The following BAHCC1 variants were observed in gnomAD, a reference collection of about 807,000 sequenced individuals.
The protein encoded by BAHCC1 is BAH domain and coiled-coil containing 1.
In BAHCC1, 43 loss-of-function variants were observed where a neutral mutation model predicts 88.2. That is an observed-to-expected ratio of 0.49 (90% CI 0.38 to 0.63). The LOEUF (loss-of-function observed/expected upper bound fraction) is 0.63, where lower values mean the gene tolerates loss of function less well. BAHCC1 is among the 20% of genes least tolerant of loss of function. The probability of loss-of-function intolerance (pLI) is 0.00; values close to 1 mark genes in which losing one functional copy is unlikely to be tolerated. For synonymous variants in BAHCC1, 1,510 were observed against 745.5 expected (o/e 2.03, Z -16.71); for missense variants, 3,023 against 1,654.8 (o/e 1.83, Z -14.34).
chr17:81,400,571 G>C (rs1408476055), intron 2 of BAHCC1: 3 of 152,596 alleles, frequency 2.0e-5, no homozygotes, highest in Non-Finnish European at 4.4e-5. Context: ...GGCCCGGGGA[G>C]GAGGGCAGCG....
At chr17:81,397,847 T>G (rs868958193) in intron 1 of BAHCC1, among the ~76,000 whole-genome samples, 3 of 152,254 alleles carry the variant, frequency 2.0e-5, no homozygotes, top group Admixed American at 1.3e-4. Context: ...GAACTCTTTG[T>G]GTAGACCCAT....
chr17:81,408,882 A>G (rs368150995), intron 2 of BAHCC1, among the ~76,000 whole-genome samples: 6 of 151,854 alleles, frequency 4.0e-5, no homozygotes, highest in Non-Finnish European at 7.4e-5. Context: ...GTCCCTTCCT[A>G]TCCCCAGAGC....
Position 81,459,323 on chromosome 17 carries a change from G to A in BAHCC1, c.5791G>A (p.Glu1931Lys). 2 of 778,910 alleles carry A rather than the reference G, an allele frequency of 2.6e-6. No homozygotes were observed. Among genetic ancestry groups the A allele is most frequent in the Non-Finnish European group, 4.8e-6 (2 of 417,578 alleles). The allele number at this position is 778,910 out of a possible 1,614,324, so 48.2% of individuals were successfully genotyped here. The change falls in exon 22 of 28, where the codon GAA (glutamate) becomes AAA (lysine). Residue 1931 changes from glutamate to lysine, a missense_variant. Coordinates refer to ENST00000675386, the MANE Select transcript of BAHCC1 (RefSeq NM_001377448.1). The part of the protein sequence containing the change: ...RIYSLEQLLQ[E>K]AVLDVRPQSS... Reference sequence around the variant, plus strand: ...CTACTCACTGGAGCAGCTGCTGCAGGAAGCGGTGAGGACCGGGCCGGCCCG... The same window carrying A: ...CTACTCACTGGAGCAGCTGCTGCAGAAAGCGGTGAGGACCGGGCCGGCCCG...
intron 11 of BAHCC1, among the ~76,000 whole-genome samples, chr17:81,448,204 C>T (rs984608719): frequency 1.2e-4 from 18 of 152,346 alleles, no homozygotes; most frequent in Admixed American, 3.3e-4. Context: ...CCTGCTCTGC[C>T]AGGCCTCCAC....
At chr17:81,406,842 G>C in intron 2 of BAHCC1, 1 of 455,988 alleles carries the variant, frequency 2.2e-6, no homozygotes, top group Admixed American at 2.3e-5. Flanking sequence ...CCTCGGGTCT[G>C]GTGGGGAGGC....
chr17:81,438,086 C>T (rs991549452), intron 3 of BAHCC1, among the ~76,000 whole-genome samples: 4 of 152,214 alleles, frequency 2.6e-5, no homozygotes, highest in Non-Finnish European at 5.9e-5. Context: ...GGAGCTTCCG[C>T]GATCCTGAGT....
chr17:81,455,471 C>T, intron 15 of BAHCC1, 81 bp downstream of exon 15: 2 of 668,762 alleles, frequency 3.0e-6, no homozygotes, highest in Non-Finnish European at 5.5e-6. Flanking sequence ...AGACTCTCCC[C>T]AGCCCTGTGC....
At position 81,426,869 on chromosome 17, in the gene BAHCC1, G is replaced by A. The variant is rs2064205925; in HGVS notation, c.248G>A (p.Gly83Asp). Reference sequence around the variant, plus strand: ...GGCAGTTTCCTCACCAGCAGCCTGGGCTCGGCAGCCTCCACGCACCCCAGC... The same window carrying A: ...GGCAGTTTCCTCACCAGCAGCCTGGACTCGGCAGCCTCCACGCACCCCAGC... ...FMGSFLTSSL[G>D]SAASTHPSGP... is the part of the protein sequence containing the mutation. The change falls in exon 3 of 28, where the codon GGC (glycine) becomes GAC (aspartate). Residue 83 changes from glycine (G) to aspartate (D), a missense_variant. Gly to Asp is a moderately conservative substitution (Grantham distance 94, BLOSUM62 -1). Transcript: ENST00000675386. The A allele has an allele frequency of 2.5e-6, 1 of 399,728 alleles. No homozygotes were observed. Among genetic ancestry groups the A allele is most frequent in the Non-Finnish European group, 4.4e-6 (1 of 227,010 alleles). 24.8% of individuals were successfully genotyped at this position (399,728 alleles called of 1,614,324 possible).
chr17:81,451,907 G>A (rs564236551), intron 12 of BAHCC1, 37 bp downstream of exon 12: 68 of 673,210 alleles, frequency 1.0e-4, no homozygotes, highest in African/African-American at 9.0e-4. Flanking sequence ...CGCCCAGTGC[G>A]TTGCCACAGA....
chr17:81,441,564 A>AG (rs2064415736), intron 4 of BAHCC1, among the ~76,000 whole-genome samples: 1 of 150,526 alleles, frequency 6.6e-6, no homozygotes. Flanking sequence ...CGGGAGGCTG[A>AG]GACAGGAGAA....
chr17:81,437,755 G>T (rs1477420067), intron 3 of BAHCC1, among the ~76,000 whole-genome samples: 1 of 152,252 alleles, frequency 6.6e-6, no homozygotes, highest in Admixed American at 6.5e-5. Flanking sequence ...GGGTTTTGGG[G>T]CTGGGGCCTG....
intron 2 of BAHCC1, chr17:81,402,067 C>T (rs1555646152): frequency 2.0e-5 from 3 of 152,396 alleles, no homozygotes; most frequent in South Asian, 2.1e-4. Context: ...CCTGCTTCTT[C>T]TTGATCCCAG....
chr17:81,435,473 A>G lies in BAHCC1; in HGVS notation c.359-2897A>G, dbSNP rs1229948987. The G allele has an allele frequency of 4.3e-6, 2 of 469,842 alleles. No homozygotes were observed. Among genetic ancestry groups the G allele is most frequent in the African/African-American group, 4.0e-5 (2 of 49,666 alleles). The allele number at this position is 469,842 out of a possible 1,614,324, so 29.1% of individuals were successfully genotyped here. A position where few individuals can be genotyped will look rare whatever the true frequency, so the allele number is the denominator to read the frequency against. On this transcript the variant is annotated intron_variant, in intron 3 of 27. Transcript: ENST00000675386. This position sits in a 1 kb window ranked among gnomAD's most constrained non-coding sequence, Gnocchi z 4.4. ...GGCACCAGCAGCCTGTGTCCTGACC[A>G]CCTCTCTGGCGGTTCGCTTAGCCCA...
In BAHCC1 at chr17:81,463,712, G is replaced by A. The variant is rs782752366; in HGVS notation, c.7722G>A (p.Arg2574=). The change falls in exon 28 of 28, where the codon CGG becomes CGA. Residue 2574 remains arginine (R), a synonymous_variant. Transcript: ENST00000675386. The part of the protein sequence containing the change: ...VAREQYEQMA[R]SRKCQDRQDL... ...GCGAGCAGTATGAGCAGATGGCCCGGAGCCGCAAGTGCCAGGACCGGCAGG... is the reference window on the plus strand; with the variant it reads ...GCGAGCAGTATGAGCAGATGGCCCGAAGCCGCAAGTGCCAGGACCGGCAGG... The A allele has an allele frequency of 6.4e-6, 5 of 779,570 alleles. No individual in the cohort carries two copies. The highest frequency in any genetic ancestry group is 9.6e-6 in the Non-Finnish European group (4 of 417,878). The allele number at this position is 779,570 out of a possible 1,614,324, so 48.3% of individuals were successfully genotyped here.
intron 23 of BAHCC1, 117 bp from the exon 24 acceptor site, chr17:81,460,160 G>C (rs933835660): frequency 9.3e-6 from 6 of 646,170 alleles, no homozygotes; most frequent in Admixed American, 7.2e-5. Flanking sequence ...TGTGTGGTCA[G>C]GGAGCAGAAC....
chr17:81,452,385 G>A (rs1001409489), intron 13 of BAHCC1, among the ~76,000 whole-genome samples: 13 of 152,070 alleles, frequency 8.5e-5, no homozygotes, highest in African/African-American at 2.4e-4. Flanking sequence ...GCAGGGTGGC[G>A]GGTGAGGGGA....
intron 4 of BAHCC1, among the ~76,000 whole-genome samples, chr17:81,439,629 G>A (rs2064384109): frequency 6.6e-6 from 1 of 152,040 alleles, no homozygotes; most frequent in African/African-American, 2.4e-5. Flanking sequence ...TGAGAAGGGA[G>A]GTGGGGACAG....
chr17:81,460,961 G>C lies in BAHCC1; in HGVS notation c.6298G>C (p.Ala2100Pro). The change falls in exon 26 of 28, where the codon GCG (alanine) becomes CCG (proline). Residue 2100 changes from alanine (A) to proline (P), a missense_variant. Physicochemically the swap from Ala to Pro is conservative, Grantham distance 27 (BLOSUM62 -1). Coordinates refer to ENST00000675386, the MANE Select transcript of BAHCC1 (RefSeq NM_001377448.1). ...RRGSPLLSWSAVAQTKRKAVA... is the reference protein window; with the variant it reads ...RRGSPLLSWSPVAQTKRKAVA... The stretch of plus-strand genomic sequence containing the variant: ...TGGCAGCCCCTTGCTGAGCTGGTCC[G>C]CGGTGGCGCAGACCAAGCGGAAGGC... 1.3e-6 allele frequency: 1 copy of C among 772,426 alleles called. No homozygotes were observed. The highest frequency in any genetic ancestry group is 2.4e-6 in the Non-Finnish European group (1 of 417,772). The allele number at this position is 772,426 out of a possible 1,614,324, so 47.8% of individuals were successfully genotyped here.
chr17:81,442,212 A>G lies in BAHCC1; in HGVS notation c.863A>G (p.Lys288Arg), dbSNP rs1364410459. ...CTCACCTCCTGCCTCCTCAACACCA[A>G]GGTGCTCAACGGCGAGATGGGCAGG... The part of the protein sequence containing the change: ...KHLTSCLLNT[K>R]VLNGEMGRAA... The change falls in exon 5 of 28, where the codon AAG becomes AGG. Residue 288 changes from lysine to arginine, a missense_variant. By Grantham distance (26) the Lys-to-Arg change is conservative (BLOSUM62 2). Transcript: ENST00000675386. 1.5e-6 allele frequency: 1 copy of G among 653,020 alleles called. No homozygotes were observed. Among genetic ancestry groups the G allele is most frequent in the Non-Finnish European group, 2.8e-6 (1 of 361,170 alleles). The allele number at this position is 653,020 out of a possible 1,614,324, so 40.5% of individuals were successfully genotyped here. A position where few individuals can be genotyped will look rare whatever the true frequency, so the allele number is the denominator to read the frequency against.
Sources: gnomAD v4.1 joint callset for allele counts (sites outside exome capture counted in the v4.1 genomes callset) on GRCh38, gnomAD v4.1.1 for gene constraint, Gnocchi (gnomAD v3.1) non-coding constraint, MANE v1.5 for transcripts, NCBI Gene and HGNC (gene_info 2026-07-23, HGNC 2026-07-21) for gene names.